The following TENM3 variants were observed in gnomAD, a reference collection of about 807,000 sequenced individuals.
TENM3 encodes teneurin transmembrane protein 3.
In TENM3, 63 loss-of-function variants were observed where a neutral mutation model predicts 255.1. The ratio of observed to expected loss-of-function variants is 0.25; its 90% CI spans 0.20 to 0.30. The LOEUF (loss-of-function observed/expected upper bound fraction) is 0.30, where lower values mean the gene tolerates loss of function less well. Ranked by LOEUF, TENM3 falls within the 10% of genes least tolerant of loss-of-function variation. The pLI is 1.00. For missense variants in TENM3, 2,929 were observed against 3,461.1 expected (o/e 0.85, Z 3.86); for synonymous variants, 1,306 against 1,322.3 (o/e 0.99, Z 0.27).
the TENM3 span, among the ~76,000 whole-genome samples, chr4:181,505,076 A>T: frequency 6.6e-6 from 1 of 152,154 alleles, no homozygotes; most frequent in Non-Finnish European, 1.5e-5. Context: ...GTTGTCATGC[A>T]CATAATCTGA....
intron 3 of TENM3, among the ~76,000 whole-genome samples, chr4:182,508,276 A>G (rs1034809957): frequency 2.0e-5 from 3 of 152,166 alleles, no homozygotes; most frequent in Non-Finnish European, 2.9e-5. Context: ...TCAGTTATAA[A>G]TATTGTGTAG....
chr4:181,516,367 T>TA, the TENM3 span, among the ~76,000 whole-genome samples: 51 of 63,276 alleles, frequency 8.1e-4, no homozygotes, highest in African/African-American at 1.1e-3. Context: ...TAAAAAATAT[T>TA]TAAAAAAAAA....
the TENM3 span, among the ~76,000 whole-genome samples, chr4:181,641,177 G>T: frequency 6.6e-6 from 1 of 151,964 alleles, no homozygotes; most frequent in East Asian, 1.9e-4. Flanking sequence ...TACATGAAAA[G>T]AGTGTTACTT....
Position 182,793,587 on chromosome 4 carries a change from G to C in TENM3, c.6915G>C (p.Val2305=). 3.1e-6 allele frequency: 5 copies of C among 1,613,968 alleles called. No individual in the cohort carries two copies. The highest frequency in any genetic ancestry group is 4.2e-6 in the Non-Finnish European group (5 of 1,179,862). ...ASDNTGTPLA[V]FSSNGLMLKQ... Reference sequence around the variant, plus strand: ...ATAACACAGGGACACCACTGGCTGTGTTCAGTAGCAATGGGCTTATGCTGA... The same window carrying C: ...ATAACACAGGGACACCACTGGCTGTCTTCAGTAGCAATGGGCTTATGCTGA... Residue 2305 remains valine (V), a synonymous_variant, in exon 26 of 28, where the codon GTG becomes GTC. Coordinates refer to ENST00000511685, the MANE Select transcript of TENM3 (RefSeq NM_001080477.4). The surrounding 1 kb of genome is among the most constrained non-coding windows in gnomAD (Gnocchi z 5.7).
the TENM3 span, among the ~76,000 whole-genome samples, chr4:181,780,941 G>A: frequency 1.3e-5 from 2 of 152,068 alleles, no homozygotes; most frequent in Non-Finnish European, 2.9e-5. Context: ...TAGGTGTGTG[G>A]TATTATTTCT....
chr4:182,353,629 A>G (rs963123307), intron 3 of TENM3, among the ~76,000 whole-genome samples: 3 of 152,150 alleles, frequency 2.0e-5, no homozygotes, highest in Non-Finnish European at 2.9e-5. Flanking sequence ...GATGAAATAG[A>G]TTCACTTCAT....
the TENM3 span, among the ~76,000 whole-genome samples, chr4:181,631,130 T>C: frequency 6.6e-6 from 1 of 152,042 alleles, no homozygotes; most frequent in Non-Finnish European, 1.5e-5. Context: ...GCAGAGTCCA[T>C]CTTTTTGTCG....
chr4:182,484,994 AC>A (rs1488347033), intron 3 of TENM3, among the ~76,000 whole-genome samples: 1 of 152,176 alleles, frequency 6.6e-6, no homozygotes, highest in African/African-American at 2.4e-5. Context: ...GATACATAGT[AC>A]CTTTATTATA....
At chr4:182,427,790 G>C (rs1580503006) in intron 3 of TENM3, among the ~76,000 whole-genome samples, 1 of 152,146 alleles carries the variant, frequency 6.6e-6, no homozygotes, top group Non-Finnish European at 1.5e-5. Context: ...CACATACACA[G>C]TATGGACCCA....
the TENM3 span, among the ~76,000 whole-genome samples, chr4:181,461,883 G>A: frequency 6.6e-6 from 1 of 152,064 alleles, no homozygotes; most frequent in African/African-American, 2.4e-5. Context: ...TCCTGGATAT[G>A]AGTCATATTT....
chr4:182,261,580 A>G (rs543800826), intron 1 of TENM3, among the ~76,000 whole-genome samples: 6 of 152,340 alleles, frequency 3.9e-5, no homozygotes, highest in African/African-American at 1.4e-4. Context: ...AATGGCCTCT[A>G]TCTGACAGAA....
At chr4:182,515,982 C>G (rs749856475) in intron 3 of TENM3, among the ~76,000 whole-genome samples, 1 of 152,182 alleles carries the variant, frequency 6.6e-6, no homozygotes, top group Non-Finnish European at 1.5e-5. Context: ...CGTGGTTATG[C>G]TACAGCAAAA....
At chr4:182,544,269 C>T (rs966048070) in intron 3 of TENM3, among the ~76,000 whole-genome samples, 3 of 151,342 alleles carry the variant, frequency 2.0e-5, no homozygotes, top group African/African-American at 7.3e-5. Context: ...CAAGTTCCAG[C>T]TCAACTTTCC....
At position 182,628,736 on chromosome 4, in the gene TENM3, T is replaced by G; in HGVS notation, c.835T>G (p.Tyr279Asp). ...ATACACAATGGCATCTGGCTCTGTTTATTCACCACCTACTCGGCCACTACC... is the reference window on the plus strand; with the variant it reads ...ATACACAATGGCATCTGGCTCTGTTGATTCACCACCTACTCGGCCACTACC... ...PGYTMASGSV[Y>D]SPPTRPLPRN... is the part of the protein sequence containing the mutation. Residue 279 changes from tyrosine to aspartate, a missense_variant, in exon 5 of 28, where the codon TAT becomes GAT. By Grantham distance (160) the Tyr-to-Asp change is radical (BLOSUM62 -3). This residue lies in a region of TENM3 where 1,608 missense variants were observed against 1,884.4 expected (regional missense o/e 0.85). Transcript: ENST00000511685. The G allele has an allele frequency of 6.2e-7, 1 of 1,609,686 alleles. No homozygotes were observed. The highest frequency in any genetic ancestry group is 8.5e-7 in the Non-Finnish European group (1 of 1,177,998).
Position 182,799,436 on chromosome 4 carries a change from C to T in TENM3, c.7345-160C>T, listed in dbSNP as rs1232810125. On this transcript the variant is annotated intron_variant, in intron 27 of 27. Transcript: ENST00000511685. The surrounding 1 kb of genome is among the most constrained non-coding windows in gnomAD (Gnocchi z 4.2). ...GGATCACCTTGAGGGGGAGGGATCT[C>T]GAGTGCTCCCTCCACCCGGGCTGTC... Among the ~76,000 whole-genome samples the T allele has an allele frequency of 6.6e-6, 1 of 152,192 alleles. No individual in the cohort carries two copies. Among genetic ancestry groups the T allele is most frequent in the Non-Finnish European group, 1.5e-5 (1 of 68,038 alleles).
the TENM3 span, among the ~76,000 whole-genome samples, chr4:181,726,214 C>T: frequency 9.9e-5 from 15 of 151,808 alleles, no homozygotes; most frequent in East Asian, 3.9e-4. Flanking sequence ...AAAAATAAAA[C>T]GCACATAATT....
chr4:182,400,891 A>T (rs6838423), intron 3 of TENM3, among the ~76,000 whole-genome samples: 3 of 151,992 alleles, frequency 2.0e-5, no homozygotes, highest in African/African-American at 7.3e-5. Context: ...CCGTGGATTC[A>T]TGTTATACTA....
At chr4:181,734,275 G>A in the TENM3 span, among the ~76,000 whole-genome samples, 1 of 152,100 alleles carries the variant, frequency 6.6e-6, no homozygotes, top group South Asian at 2.1e-4. Context: ...TAAAATAGAA[G>A]CTTAATGAGG....
intron 3 of TENM3, among the ~76,000 whole-genome samples, chr4:182,580,100 G>T (rs1488711161): frequency 1.3e-5 from 2 of 152,106 alleles, no homozygotes; most frequent in African/African-American, 4.8e-5. Context: ...AATCAGCTTT[G>T]ATTTTTTTAT....
Sources: gnomAD v4.1 joint callset for allele counts (sites outside exome capture counted in the v4.1 genomes callset) on GRCh38, gnomAD v4.1.1 for gene constraint, gnomAD v4.1.1 regional missense constraint, Gnocchi (gnomAD v3.1) non-coding constraint, MANE v1.5 for transcripts, NCBI Gene and HGNC (gene_info 2026-07-23, HGNC 2026-07-21) for gene names.